Variants in NCOR2 observed in about 807,000 individuals in gnomAD.
NCOR2 encodes CTG repeat protein 26.
NCOR2 carries 81 observed loss-of-function variants against 262.9 expected under a neutral mutation model. That is an observed-to-expected ratio of 0.31 (90% CI 0.26 to 0.37). The LOEUF is 0.37. Among genes scored for constraint, NCOR2 ranks in the 10% least tolerant of loss-of-function variants. NCOR2 has a pLI of 1.00. For missense variants in NCOR2, 3,385 were observed against 3,621.4 expected (o/e 0.93, Z 1.68); for synonymous variants, 1,659 against 1,559.3 (o/e 1.06, Z -1.51).
Position 124,389,945 on chromosome 12 carries a change from G to A in NCOR2, c.1877-4058C>T, listed in dbSNP as rs970831474. 6.6e-6 allele frequency among the ~76,000 whole-genome samples: 1 copy of A among 152,116 alleles called. No homozygotes were observed. The highest frequency in any genetic ancestry group is 2.4e-5 in the African/African-American group (1 of 41,420). On this transcript the variant is annotated intron_variant, in intron 16 of 46. Transcript: ENST00000405201. The surrounding 1 kb of genome is among the most constrained non-coding windows in gnomAD (Gnocchi z 4.4). ...ACTTTGGATCCTAGATTCAGGTCAC[G>A]ACCGACTTCCCTGACTCTGGGATCA... is the stretch of plus-strand genomic sequence containing the variant.
chr12:124,433,418 C>T (rs921737980), intron 8 of NCOR2, among the ~76,000 whole-genome samples: 5 of 152,248 alleles, frequency 3.3e-5, no homozygotes, highest in East Asian at 1.9e-4. Flanking sequence ...GACCAGCGGG[C>T]GGAAGCCAAC....
chr12:124,334,907 C>T (rs540792603), intron 40 of NCOR2: 90 of 653,492 alleles, frequency 1.4e-4, no homozygotes, highest in South Asian at 1.3e-3. Context: ...AAGATGCCAT[C>T]GGCTCGCATC....
At chr12:124,525,308 T>C (rs1200487751) in intron 1 of NCOR2, among the ~76,000 whole-genome samples, 1 of 152,162 alleles carries the variant, frequency 6.6e-6, no homozygotes, top group Non-Finnish European at 1.5e-5. Flanking sequence ...AGATGCCACC[T>C]CCTCAGAAGC....
chr12:124,510,466 C>T (rs1039311744), intron 1 of NCOR2, among the ~76,000 whole-genome samples: 1 of 152,234 alleles, frequency 6.6e-6, no homozygotes, highest in Non-Finnish European at 1.5e-5. Flanking sequence ...CACAGCGCCC[C>T]CGTGAGGGAT....
chr12:124,453,720 G>A (rs949699972), intron 6 of NCOR2, among the ~76,000 whole-genome samples: 7 of 152,236 alleles, frequency 4.6e-5, no homozygotes, highest in African/African-American at 9.6e-5. Context: ...GGAACAGGAA[G>A]GAAGCAATGA....
At position 124,549,005 on chromosome 12, in the gene NCOR2, T is replaced by G. The variant is rs1418851505; in HGVS notation, c.-164-13394A>C. ...GGGGCACCGCACAGATTTTTGCTGT[T>G]GTTGTTAATTCTGTGTCGAGTCTAG... On this transcript the variant is annotated intron_variant, in intron 1 of 32. Coordinates refer to the NCOR2 transcript ENST00000458234. This position sits in a 1 kb window ranked among gnomAD's most constrained non-coding sequence, Gnocchi z 4.4. Among the ~76,000 whole-genome samples, 1 of 152,092 alleles carries G rather than the reference T, an allele frequency of 6.6e-6. No homozygotes were observed. The highest frequency in any genetic ancestry group is 6.5e-5 in the Admixed American group (1 of 15,270).
exon 47 of NCOR2, chr12:124,325,280 G>A (rs2034526959): frequency 3.6e-6 from 2 of 563,120 alleles, no homozygotes; most frequent in Non-Finnish European, 5.6e-6. Context: ...ATGGATGGAG[G>A]CGCAGGCGGA....
At chr12:124,520,371 G>A (rs2137082900) in intron 1 of NCOR2, among the ~76,000 whole-genome samples, 1 of 152,292 alleles carries the variant, frequency 6.6e-6, no homozygotes, top group African/African-American at 2.4e-5. Flanking sequence ...ACACCACCAG[G>A]AAGCGGTGCC....
At chr12:124,489,516 C>T in intron 1 of NCOR2, among the ~76,000 whole-genome samples, 1 of 152,194 alleles carries the variant, frequency 6.6e-6, no homozygotes, top group East Asian at 1.9e-4. Flanking sequence ...GGACAGTCCC[C>T]AGGCTCTGAA....
intron 22 of NCOR2, among the ~76,000 whole-genome samples, chr12:124,359,095 G>A (rs2038277746): frequency 6.6e-6 from 1 of 152,216 alleles, no homozygotes; most frequent in African/African-American, 2.4e-5. Flanking sequence ...AACTCAGCGG[G>A]GCCCCGGGGC....
In NCOR2 at chr12:124,531,406, G is replaced by A. The variant is rs1013146373; in HGVS notation, c.-118+4159C>T. Among the ~76,000 whole-genome samples, 2 of 152,138 alleles carry A rather than the reference G, an allele frequency of 1.3e-5. No individual in the cohort carries two copies. Among genetic ancestry groups the A allele is most frequent in the African/African-American group, 4.8e-5 (2 of 41,440 alleles). Reference sequence around the variant, plus strand: ...TTAGCGGGCGGCCGCAGGCAGACACGCTCAACTGTCAGCCTCCTCCTCTCA... The same window carrying A: ...TTAGCGGGCGGCCGCAGGCAGACACACTCAACTGTCAGCCTCCTCCTCTCA... On this transcript the variant is annotated intron_variant, in intron 1 of 46. Transcript: ENST00000404621. The surrounding 1 kb of genome is among the most constrained non-coding windows in gnomAD (Gnocchi z 4.5).
rs554169334 is a variant in NCOR2 at position 124,429,185 on chromosome 12, C to G, written c.1149+428G>C. On this transcript the variant is annotated intron_variant, in intron 10 of 46. Coordinates refer to ENST00000405201, the Ensembl canonical transcript of NCOR2. ...TCTTCGGCCTGCGCCATGCTCCCCC[C>G]ACCCTGCCAGGCTCTGGGCCCTGGA... 2.0e-5 allele frequency among the ~76,000 whole-genome samples: 3 copies of G among 152,384 alleles called. 1 individual carries two copies. Among genetic ancestry groups the G allele is most frequent in the African/African-American group, 4.8e-5 (2 of 41,602 alleles).
At chr12:124,476,442 A>G (rs1373442427) in intron 3 of NCOR2, among the ~76,000 whole-genome samples, 9 of 152,362 alleles carry the variant, frequency 5.9e-5, no homozygotes, top group Non-Finnish European at 1.2e-4. Flanking sequence ...AAGAAGAGAG[A>G]TAACAGAGCA....
At chr12:124,377,555 C>T (rs976953728) in intron 18 of NCOR2, among the ~76,000 whole-genome samples, 2 of 152,116 alleles carry the variant, frequency 1.3e-5, no homozygotes, top group Admixed American at 6.5e-5. Context: ...AAACAATTTT[C>T]GGGCCTGACG....
chr12:124,394,517 G>A (rs1250300824), intron 16 of NCOR2, among the ~76,000 whole-genome samples: 1 of 152,260 alleles, frequency 6.6e-6, no homozygotes, highest in African/African-American at 2.4e-5. Context: ...GTTTGCAGAT[G>A]TGATCAAGTC....
At chr12:124,414,444 C>G (rs1461595350) in intron 13 of NCOR2, among the ~76,000 whole-genome samples, 3 of 152,214 alleles carry the variant, frequency 2.0e-5, no homozygotes, top group Non-Finnish European at 4.4e-5. Flanking sequence ...CAGCAGCACC[C>G]ATCCCCATCA....
At chr12:124,358,307 G>A (rs1363124301) in intron 22 of NCOR2, among the ~76,000 whole-genome samples, 1 of 149,102 alleles carries the variant, frequency 6.7e-6, no homozygotes, top group Non-Finnish European at 1.5e-5. Flanking sequence ...GCACGTGTAT[G>A]TGCGTGTGTG....
intron 8 of NCOR2, among the ~76,000 whole-genome samples, chr12:124,433,881 C>CAA (rs1349018886): frequency 0.42 from 28,407 of 68,068 alleles, 5,543 homozygotes; most frequent in Admixed American, 0.47. Flanking sequence ...CACACACACA[C>CAA]ACACACACAC....
chr12:124,436,367 G>A (rs897829097), intron 8 of NCOR2, among the ~76,000 whole-genome samples: 1 of 152,132 alleles, frequency 6.6e-6, no homozygotes, highest in African/African-American at 2.4e-5. Flanking sequence ...GTGGGGCAGG[G>A]GGCTGCAGGT....
Sources: allele counts gnomAD v4.1 joint callset (sites outside exome capture counted in the v4.1 genomes callset), GRCh38; gene constraint gnomAD v4.1.1; non-coding constraint Gnocchi (gnomAD v3.1); transcripts MANE v1.5; gene names NCBI Gene and HGNC (gene_info 2026-07-23, HGNC 2026-07-21).